The following SGMS1 variants were observed in gnomAD, a reference collection of about 807,000 sequenced individuals.
The protein encoded by SGMS1 is sphingomyelin synthase 1, also known as phosphatidylcholine:ceramide cholinephosphotransferase 1.
A neutral mutation model predicts 46.2 loss-of-function variants in SGMS1; 13 were observed. That is an observed-to-expected ratio of 0.28 (90% confidence interval 0.18 to 0.45). The LOEUF (loss-of-function observed/expected upper bound fraction) is 0.45, where lower values mean the gene tolerates loss of function less well. Among genes scored for constraint, SGMS1 ranks in the 20% least tolerant of loss-of-function variants. The pLI is 1.00. For synonymous variants in SGMS1, 203 were observed against 187.8 expected, an observed-to-expected ratio of 1.08 and a Z score of -0.66; for missense variants, 324 against 519.9, an observed-to-expected ratio of 0.62 and a Z score of 3.66.
intron 2 of SGMS1, among the ~76,000 whole-genome samples, chr10:50,527,081 A>G (rs1289786233): frequency 2.3e-5 from 3 of 128,318 alleles, no homozygotes; most frequent in African/African-American, 2.7e-5. Context: ...AAAAAAAAAA[A>G]AAAAAAAAGA....
chr10:50,420,129 C>G (rs1485291555), intron 6 of SGMS1, among the ~76,000 whole-genome samples: 1 of 152,156 alleles, frequency 6.6e-6, no homozygotes, highest in Non-Finnish European at 1.5e-5. Flanking sequence ...TTATCCTTAG[C>G]AACAGGTACT....
At chr10:50,449,230 C>CTA (rs1428727785) in intron 5 of SGMS1, among the ~76,000 whole-genome samples, 1 of 152,180 alleles carries the variant, frequency 6.6e-6, no homozygotes, top group Non-Finnish European at 1.5e-5. Context: ...ATCCATCTAC[C>CTA]TACCTGCCTA....
Position 50,524,188 on chromosome 10 carries a change from A to C in SGMS1, c.-588-4267T>G, listed in dbSNP as rs139426777. ...CATTCCTAATATTCTTGGGGCTCTT[A>C]GAACAGTCTTTTCACAGATCACAAT... On this transcript the variant is annotated intron_variant, in intron 2 of 10. Transcript: ENST00000361781. 1.5e-3 allele frequency among the ~76,000 whole-genome samples: 233 copies of C among 152,272 alleles called. 3 individuals carry two copies. The highest frequency in any genetic ancestry group is 5.6e-3 in the African/African-American group (232 of 41,536).
chr10:50,563,708 A>C (rs1838262485), intron 2 of SGMS1, among the ~76,000 whole-genome samples: 4 of 132,348 alleles, frequency 3.0e-5, no homozygotes, highest in African/African-American at 1.1e-4. Context: ...CCGCCACTGC[A>C]CTCCAGCCTG....
intron 7 of SGMS1, chr10:50,341,186 G>A: frequency 2.9e-6 from 1 of 347,254 alleles, no homozygotes; most frequent in Non-Finnish European, 5.7e-6. Flanking sequence ...TAGAAACAAA[G>A]GGTCCCTCTG....
chr10:50,599,477 T>G (rs1203996237), intron 1 of SGMS1, among the ~76,000 whole-genome samples: 1 of 151,724 alleles, frequency 6.6e-6, no homozygotes, highest in Non-Finnish European at 1.5e-5. Flanking sequence ...GAGCCTTTTT[T>G]TTTACTTGTC....
At chr10:50,399,406 T>C (rs1589423850) in intron 6 of SGMS1, among the ~76,000 whole-genome samples, 1 of 152,252 alleles carries the variant, frequency 6.6e-6, no homozygotes, top group East Asian at 1.9e-4. Flanking sequence ...ATGACAACAA[T>C]GTAAATGTCC....
intron 6 of SGMS1, among the ~76,000 whole-genome samples, chr10:50,386,046 T>C (rs1281855165): frequency 6.6e-6 from 1 of 152,118 alleles, no homozygotes; most frequent in East Asian, 1.9e-4. Context: ...GTTTAGATTA[T>C]CAGATGGCAA....
intron 6 of SGMS1, among the ~76,000 whole-genome samples, chr10:50,363,353 T>C (rs967106967): frequency 2.0e-5 from 3 of 152,208 alleles, no homozygotes; most frequent in Non-Finnish European, 4.4e-5. Flanking sequence ...AGAAGCATTC[T>C]GATTTACATA....
chr10:50,473,580 A>G (rs749557048), intron 3 of SGMS1, among the ~76,000 whole-genome samples: 1 of 152,262 alleles, frequency 6.6e-6, no homozygotes, highest in Non-Finnish European at 1.5e-5. Flanking sequence ...AAAATGGACT[A>G]ATAAAAAACT....
At chr10:50,481,811 T>A (rs1837479804) in intron 3 of SGMS1, among the ~76,000 whole-genome samples, 1 of 152,078 alleles carries the variant, frequency 6.6e-6, no homozygotes, top group Non-Finnish European at 1.5e-5. Flanking sequence ...ACCAGAATAA[T>A]CAGTTTAGAG....
chr10:50,392,247 G>A (rs1256504426), intron 6 of SGMS1, among the ~76,000 whole-genome samples: 1 of 151,382 alleles, frequency 6.6e-6, no homozygotes, highest in East Asian at 1.9e-4. Flanking sequence ...TCAAAAGATG[G>A]CAAACTTATA....
intron 3 of SGMS1, among the ~76,000 whole-genome samples, chr10:50,496,679 A>G (rs1272031252): frequency 6.6e-6 from 1 of 152,104 alleles, no homozygotes; most frequent in Non-Finnish European, 1.5e-5. Context: ...ATCACATTCC[A>G]GGTGATCCCA....
chr10:50,607,393 T>G (rs1027988267), intron 1 of SGMS1, among the ~76,000 whole-genome samples: 4 of 152,184 alleles, frequency 2.6e-5, no homozygotes, highest in African/African-American at 9.7e-5. Context: ...AGTCAATTGT[T>G]GAAAACTGAG....
intron 6 of SGMS1, among the ~76,000 whole-genome samples, chr10:50,409,647 C>T (rs1159502265): frequency 6.6e-6 from 1 of 152,122 alleles, no homozygotes; most frequent in Non-Finnish European, 1.5e-5. Flanking sequence ...CTCAATTCTC[C>T]TGAGAATTTT....
chr10:50,401,612 T>C (rs1022205016), intron 6 of SGMS1, among the ~76,000 whole-genome samples: 6 of 152,150 alleles, frequency 3.9e-5, no homozygotes, highest in African/African-American at 1.4e-4. Context: ...CCACCAAAAC[T>C]TTACACCAAC....
intron 6 of SGMS1, among the ~76,000 whole-genome samples, chr10:50,346,814 A>G (rs908227206): frequency 2.0e-5 from 3 of 151,774 alleles, no homozygotes; most frequent in African/African-American, 7.3e-5. Context: ...GATTCTCCCA[A>G]CTCAGCCTCC....
At chr10:50,348,737 C>T (rs532381958) in intron 6 of SGMS1, among the ~76,000 whole-genome samples, 6 of 152,182 alleles carry the variant, frequency 3.9e-5, no homozygotes, top group Non-Finnish European at 1.5e-5. Context: ...AATGGCCATA[C>T]TGCCCAAAGT....
chr10:50,532,357 C>T (rs1038653788), intron 2 of SGMS1, among the ~76,000 whole-genome samples: 1 of 151,366 alleles, frequency 6.6e-6, no homozygotes, highest in East Asian at 2.0e-4. Context: ...CATCCAAGAC[C>T]CTGAACTAGA....
Sources: allele counts gnomAD v4.1 joint callset (sites outside exome capture counted in the v4.1 genomes callset), GRCh38; gene constraint gnomAD v4.1.1; transcripts MANE v1.5; gene names NCBI Gene and HGNC (gene_info 2026-07-23, HGNC 2026-07-21).